Variants in COL15A1 observed in about 807,000 individuals in gnomAD.
COL15A1 encodes collagen type XV alpha 1 chain.
COL15A1 carries 111 observed loss-of-function variants against 165.9 expected under a neutral mutation model. The ratio of observed to expected loss-of-function variants is 0.67; its 90% confidence interval spans 0.57 to 0.78. The LOEUF (loss-of-function observed/expected upper bound fraction) is 0.78. COL15A1 is among the 30% of genes least tolerant of loss of function. COL15A1 has a pLI of 0.00. For synonymous variants in COL15A1, 659 were observed against 674.8 expected (o/e 0.98, Z 0.36); for missense variants, 1,745 against 1,789.7 (o/e 0.98, Z 0.45).
intron 2 of COL15A1, among the ~76,000 whole-genome samples, chr9:98,969,663 TAGAG>T (rs781156566): frequency 3.3e-5 from 5 of 152,210 alleles, no homozygotes; most frequent in Middle Eastern, 3.4e-3. Flanking sequence ...GCAATGGGAA[TAGAG>T]AGGCAGATGG....
At chr9:98,993,236 C>T (rs927436393) in intron 5 of COL15A1, among the ~76,000 whole-genome samples, 2 of 152,192 alleles carry the variant, frequency 1.3e-5, no homozygotes, top group Non-Finnish European at 2.9e-5. Flanking sequence ...CCTGTTGTTG[C>T]TACTGTTGAC....
At position 99,006,396 on chromosome 9, in the gene COL15A1, G is replaced by T. The variant is rs182049480; in HGVS notation, c.1353+1346G>T. Among the ~76,000 whole-genome samples the T allele has an allele frequency of 4.0e-3, 603 of 152,362 alleles. 21 individuals are homozygous for T. The highest frequency in any genetic ancestry group is 0.035 in the Admixed American group (531 of 15,310). On this transcript the variant is annotated intron_variant, in intron 9 of 41. Transcript: ENST00000375001. ...TCTGCTGAGTGAGTGAATGGCTGGG[G>T]TCATCAGGACATCACAGATCAACAA...
chr9:99,024,200 C>A (rs768662410), intron 14 of COL15A1, among the ~76,000 whole-genome samples: 7 of 152,224 alleles, frequency 4.6e-5, no homozygotes, highest in Non-Finnish European at 7.4e-5. Context: ...ATCAGCCAAC[C>A]CAGCAATGGG....
chr9:99,022,216 A>G, intron 13 of COL15A1, 66 bp downstream of exon 13: 1 of 1,606,560 alleles, frequency 6.2e-7, no homozygotes, highest in Non-Finnish European at 8.5e-7. Flanking sequence ...CAAAACAGCC[A>G]CAGGCTGAGG....
At chr9:99,060,499 G>T (rs1453884170) in intron 36 of COL15A1, among the ~76,000 whole-genome samples, 1 of 150,520 alleles carries the variant, frequency 6.6e-6, no homozygotes, top group Non-Finnish European at 1.5e-5. Context: ...GAACTCATGG[G>T]CCACCAAGGT....
chr9:99,060,812 C>A (rs1452998848), intron 36 of COL15A1, among the ~76,000 whole-genome samples: 1 of 151,946 alleles, frequency 6.6e-6, no homozygotes, highest in African/African-American at 2.4e-5. Context: ...CCTGGGAAGT[C>A]GAGGCTCCAG....
chr9:99,013,620 C>T (rs1040902723), intron 9 of COL15A1, among the ~76,000 whole-genome samples: 1 of 151,668 alleles, frequency 6.6e-6, no homozygotes, highest in African/African-American at 2.4e-5. Context: ...TTTGTACTCT[C>T]ATCCACCATT....
At chr9:99,003,316 A>C (rs923149784) in intron 7 of COL15A1, 137 bp from the exon 8 acceptor site, 2 of 621,068 alleles carry the variant, frequency 3.2e-6, no homozygotes, top group African/African-American at 3.8e-5. Context: ...ATGAAACCAT[A>C]GATGTGAAAG....
At chr9:98,945,631 T>C (rs1268375655) in intron 2 of COL15A1, among the ~76,000 whole-genome samples, 2 of 152,208 alleles carry the variant, frequency 1.3e-5, no homozygotes, top group Non-Finnish European at 2.9e-5. Flanking sequence ...CCAAATCCGA[T>C]GATAGCTTTT....
intron 12 of COL15A1, among the ~76,000 whole-genome samples, chr9:99,020,881 G>A (rs73503741): frequency 0.021 from 3,128 of 152,312 alleles, 104 homozygotes; most frequent in African/African-American, 0.072. Context: ...GGGATCTCCC[G>A]AAAGTTCTTT....
At chr9:98,945,241 G>A (rs1837559897) in intron 2 of COL15A1, among the ~76,000 whole-genome samples, 2 of 152,092 alleles carry the variant, frequency 1.3e-5, no homozygotes, top group Admixed American at 1.3e-4. Context: ...TTTTACAAGG[G>A]TATATTGCAC....
intron 2 of COL15A1, among the ~76,000 whole-genome samples, chr9:98,977,015 C>G (rs942702434): frequency 2.0e-5 from 3 of 152,040 alleles, no homozygotes; most frequent in African/African-American, 7.2e-5. Context: ...TTCAGGATAC[C>G]TTGAGTTTTC....
chr9:98,986,109 C>G lies in COL15A1; in HGVS notation c.645C>G (p.Phe215Leu). 1 of 1,611,050 alleles carries G rather than the reference C, an allele frequency of 6.2e-7. No individual in the cohort carries two copies. The highest frequency in any genetic ancestry group is 8.5e-7 in the Non-Finnish European group (1 of 1,178,146). ...CAGGAGCTACAGGGCTCGAGAGATTCACTGTGAGTTAAAGTCCCACTCCAG... is the reference window on the plus strand; with the variant it reads ...CAGGAGCTACAGGGCTCGAGAGATTGACTGTGAGTTAAAGTCCCACTCCAG... ...GNAGATGLER[F>L]TGSLQQLTVH... The change falls in exon 3 of 42, where the codon TTC becomes TTG. Residue 215 changes from phenylalanine to leucine, a missense_variant. Transcript: ENST00000375001.
At position 99,049,846 on chromosome 9, in the gene COL15A1, A is replaced by G. The variant is rs1839554771; in HGVS notation, c.2863-8A>G. The G allele has an allele frequency of 6.2e-7, 1 of 1,614,080 alleles. No homozygotes were observed. The highest frequency in any genetic ancestry group is 1.7e-5 in the Admixed American group (1 of 60,006). ...TGACCTCACCTCTCTTGTTCTCATT[A>G]CCCACAGGCCATTTTCCCAATACCC... On this transcript the variant is annotated splice_region_variant and splice_polypyrimidine_tract_variant and intron_variant, in intron 29 of 41. Coordinates refer to ENST00000375001, the MANE Select transcript of COL15A1 (RefSeq NM_001855.5).
intron 9 of COL15A1, among the ~76,000 whole-genome samples, chr9:99,013,905 G>A (rs1249920974): frequency 7.9e-5 from 12 of 152,236 alleles, no homozygotes; most frequent in South Asian, 2.1e-4. Flanking sequence ...GGTATAGGGC[G>A]GAAGAAAAGT....
intron 40 of COL15A1, among the ~76,000 whole-genome samples, chr9:99,067,432 TAA>T (rs772760337): frequency 5.9e-5 from 9 of 152,194 alleles, no homozygotes; most frequent in Non-Finnish European, 1.3e-4. Flanking sequence ...CCAGTTTGCT[TAA>T]AATCACTGCA....
At chr9:99,036,440 T>A in intron 21 of COL15A1, 44 bp downstream of exon 21, 2 of 1,600,986 alleles carry the variant, frequency 1.2e-6, no homozygotes, top group Non-Finnish European at 1.7e-6. Flanking sequence ...ATTTTCCACC[T>A]TTGCCAAAGG....
At position 99,070,708 on chromosome 9, in the gene COL15A1, C is replaced by T. The variant is rs1429477282; in HGVS notation, c.*822C>T. 9 of 424,592 alleles carry T rather than the reference C, an allele frequency of 2.1e-5. No homozygotes were observed. In the East Asian group the frequency reaches 7.1e-4, roughly 33 times the overall value. The allele number at this position is 424,592 out of a possible 1,614,324, so 26.3% of individuals were successfully genotyped here. ...TCATAGAGATGAATTTTCTGAGAAA[C>T]ATATATCTACATGTTGTATAATTGG... On this transcript the variant is annotated 3_prime_UTR_variant, in exon 42 of 42. Coordinates refer to ENST00000375001, the MANE Select transcript of COL15A1 (RefSeq NM_001855.5).
rs147720546 is a variant in COL15A1, at chr9:99,005,032, C to G, written c.1335C>G (p.Leu445=). Residue 445 remains leucine (L), a synonymous_variant, in exon 9 of 42, where the codon CTC becomes CTG. Transcript: ENST00000375001. Reference sequence around the variant, plus strand: ...ACCTCTCCATGTCCGCCCAGAGCCTCGGGGAAGAGGCCACTGTGGTAAGGA... The same window carrying G: ...ACCTCTCCATGTCCGCCCAGAGCCTGGGGGAAGAGGCCACTGTGGTAAGGA... ...ELDLSMSAQS[L]GEEATVGPSS... 3 of 1,610,126 alleles carry G rather than the reference C, an allele frequency of 1.9e-6. No individual in the cohort carries two copies. Among genetic ancestry groups the G allele is most frequent in the Non-Finnish European group, 2.5e-6 (3 of 1,178,074 alleles).
Sources: allele counts gnomAD v4.1 joint callset (sites outside exome capture counted in the v4.1 genomes callset), GRCh38; gene constraint gnomAD v4.1.1; transcripts MANE v1.5; gene names NCBI Gene and HGNC (gene_info 2026-07-23, HGNC 2026-07-21).